RALGAPA1: variants seen among roughly 807,000 people sequenced by gnomAD.
The protein encoded by RALGAPA1 is ral GTPase-activating protein subunit alpha-1.
A neutral mutation model predicts 269.6 loss-of-function variants in RALGAPA1; 52 were observed. The ratio of observed to expected loss-of-function variants is 0.19; its 90% CI spans 0.15 to 0.24. RALGAPA1 has a LOEUF of 0.24. Ranked by LOEUF, RALGAPA1 falls within the 10% of genes least tolerant of loss-of-function variation. RALGAPA1 has a pLI of 1.00. For missense variants in RALGAPA1, 1,917 were observed against 3,013.9 expected, an observed-to-expected ratio of 0.64 and a Z score of 8.52; for synonymous variants, 817 against 1,008.3, an observed-to-expected ratio of 0.81 and a Z score of 3.60.
intron 1 of RALGAPA1, among the ~76,000 whole-genome samples, chr14:35,784,499 G>A (rs112002996): frequency 2.5e-4 from 38 of 152,184 alleles, no homozygotes; most frequent in African/African-American, 8.4e-4. Context: ...AAAGGTATGA[G>A]TTTCCGTTTC....
At chr14:35,712,580 C>T (rs1433287891) in intron 16 of RALGAPA1, among the ~76,000 whole-genome samples, 2 of 152,120 alleles carry the variant, frequency 1.3e-5, no homozygotes, top group East Asian at 1.9e-4. Flanking sequence ...GCAATCATAG[C>T]TCACTGTGGC....
rs549541742 is a variant in RALGAPA1, at chr14:35,664,912, TAA to T, written c.5203-147_5203-146del. ...AGGAAAGGGAAAACACAAAAAGATT[TAA>T]GTTTCCATTTATACTTTCCACATAA... On this transcript the variant is annotated intron_variant, in intron 26 of 41. Transcript: ENST00000680220. 49 of 673,012 alleles carry T rather than the reference TAA, an allele frequency of 7.3e-5. No individual in the cohort carries two copies. The East Asian group carries it at 1.3e-3, about 18-fold the overall frequency. The allele number at this position is 673,012 out of a possible 1,614,324, so 41.7% of individuals were successfully genotyped here. A position where few individuals can be genotyped will look rare whatever the true frequency, so the allele number is the denominator to read the frequency against.
rs2067465154 is a variant in RALGAPA1, at chr14:35,702,727, A to ATG, written c.2267-2426_2267-2425insCA. Among the ~76,000 whole-genome samples the ATG allele has an allele frequency of 7.8e-5, 8 of 102,784 alleles. 1 individual carries two copies. The South Asian group carries it at 2.7e-3, about 35-fold the overall frequency. The allele number at this position is 102,784 out of a possible 152,430, so 67.4% of individuals were successfully genotyped here. ...AATCACCTTTAATTAAAAAAAAAAA[A>ATG]TATATATATATATACATTTTTTTTT... On this transcript the variant is annotated intron_variant, in intron 16 of 41. Transcript: ENST00000680220.
intron 41 of RALGAPA1, among the ~76,000 whole-genome samples, chr14:35,547,376 TG>T (rs2054553158): frequency 6.6e-6 from 1 of 152,018 alleles, no homozygotes; most frequent in Non-Finnish European, 1.5e-5. Flanking sequence ...ATGCAAAATA[TG>T]GGGAGAACAT....
At chr14:35,720,429 C>A (rs2069287543) in intron 16 of RALGAPA1, among the ~76,000 whole-genome samples, 1 of 152,076 alleles carries the variant, frequency 6.6e-6, no homozygotes, top group African/African-American at 2.4e-5. Flanking sequence ...ATTTTTTATA[C>A]AAGATGTATC....
chr14:35,774,008 G>T (rs2074834489), intron 3 of RALGAPA1, among the ~76,000 whole-genome samples: 1 of 151,988 alleles, frequency 6.6e-6, no homozygotes, highest in South Asian at 2.1e-4. Flanking sequence ...CGACCTCCTG[G>T]GTTCAAGGGA....
chr14:35,618,890 C>T (rs2060426485), intron 35 of RALGAPA1, among the ~76,000 whole-genome samples: 1 of 151,878 alleles, frequency 6.6e-6, no homozygotes, highest in Admixed American at 6.6e-5. Context: ...TAAATGAAAA[C>T]ATACTATAAT....
At chr14:35,622,182 C>A (rs933813276) in intron 35 of RALGAPA1, among the ~76,000 whole-genome samples, 1 of 152,258 alleles carries the variant, frequency 6.6e-6, no homozygotes, top group South Asian at 2.1e-4. Flanking sequence ...TACTATGCAG[C>A]CATAAAAAAG....
rs1014435408 is a variant in RALGAPA1 at position 35,626,368 on chromosome 14, T to C, written c.6857+722A>G. On this transcript the variant is annotated intron_variant, in intron 34 of 41. Transcript: ENST00000680220. The stretch of plus-strand genomic sequence containing the variant: ...CTGAGCTTCCCCTCCTACCATAAAT[T>C]GACAGAGACAATACATTACCCCTCC... 2.0e-5 allele frequency among the ~76,000 whole-genome samples: 3 copies of C among 152,146 alleles called. No homozygotes were observed. The East Asian group carries it at 5.8e-4, about 29-fold the overall frequency.
At chr14:35,784,360 C>G (rs182273762) in intron 1 of RALGAPA1, among the ~76,000 whole-genome samples, 1 of 152,002 alleles carries the variant, frequency 6.6e-6, no homozygotes, top group East Asian at 1.9e-4. Flanking sequence ...GTGAAAGAAG[C>G]CAGACACAAA....
chr14:35,792,777 CAA>C (rs573027253), intron 1 of RALGAPA1, among the ~76,000 whole-genome samples: 10 of 46,110 alleles, frequency 2.2e-4, no homozygotes, highest in Non-Finnish European at 3.9e-4. Context: ...GACCCTGTCT[CAA>C]AAAAAAAAAA....
intron 36 of RALGAPA1, among the ~76,000 whole-genome samples, chr14:35,601,280 C>T (rs1254445636): frequency 1.3e-5 from 2 of 152,168 alleles, no homozygotes; most frequent in Non-Finnish European, 2.9e-5. Context: ...GTAGTCTCCA[C>T]TGACTCTTGG....
chr14:35,727,743 T>C (rs899262763), intron 13 of RALGAPA1, among the ~76,000 whole-genome samples: 6 of 151,928 alleles, frequency 3.9e-5, no homozygotes, highest in South Asian at 2.1e-4. Flanking sequence ...AGTACAAATA[T>C]AGAATGGAAA....
intron 37 of RALGAPA1, among the ~76,000 whole-genome samples, chr14:35,593,637 T>C (rs2058762290): frequency 6.6e-6 from 1 of 152,050 alleles, no homozygotes; most frequent in South Asian, 2.1e-4. Flanking sequence ...TGAAGAGGGA[T>C]TGCTTGAGCT....
intron 1 of RALGAPA1, among the ~76,000 whole-genome samples, chr14:35,801,501 C>CT (rs1447660536): frequency 2.6e-5 from 4 of 152,086 alleles, no homozygotes; most frequent in Admixed American, 2.6e-4. Flanking sequence ...CTCCTGACCT[C>CT]TAGTGATCCA....
chr14:35,777,875 G>GA (rs1300269396), intron 1 of RALGAPA1, among the ~76,000 whole-genome samples: 22 of 152,038 alleles, frequency 1.4e-4, no homozygotes, highest in African/African-American at 5.3e-4. Flanking sequence ...AAAGGCAACT[G>GA]AAAAAATAAA....
chr14:35,753,980 C>T lies in RALGAPA1; in HGVS notation c.664-1818G>A, dbSNP rs547502178. Among the ~76,000 whole-genome samples the T allele has an allele frequency of 1.3e-4, 20 of 152,188 alleles. 1 individual carries two copies. In the South Asian group the frequency reaches 4.2e-3, roughly 32 times the overall value. ...ATTTAGGTAGTTACACAGTACTTCC[C>T]CACAAAATACTTGTTGATTTTCCAG... On this transcript the variant is annotated intron_variant, in intron 7 of 41. Transcript: ENST00000680220.
At chr14:35,698,129 T>A (rs959019989) in intron 17 of RALGAPA1, among the ~76,000 whole-genome samples, 1 of 152,168 alleles carries the variant, frequency 6.6e-6, no homozygotes, top group Non-Finnish European at 1.5e-5. Context: ...TTTAAATTTA[T>A]CATAGAAGGC....
intron 12 of RALGAPA1, among the ~76,000 whole-genome samples, chr14:35,729,533 G>A (rs2070275456): frequency 6.6e-6 from 1 of 152,200 alleles, no homozygotes; most frequent in African/African-American, 2.4e-5. Flanking sequence ...GTGGGTGGTA[G>A]AGAATAAGTA....
Sources: gnomAD v4.1 joint callset for allele counts (sites outside exome capture counted in the v4.1 genomes callset) on GRCh38, gnomAD v4.1.1 for gene constraint, MANE v1.5 for transcripts, NCBI Gene and HGNC (gene_info 2026-07-23, HGNC 2026-07-21) for gene names.